The following MEGF11 variants were observed in gnomAD, a reference collection of about 807,000 sequenced individuals.
MEGF11 encodes multiple EGF like domains 11.
Under a neutral mutation model 146.6 loss-of-function variants are expected in MEGF11, and 126 were observed. The observed-to-expected ratio is 0.86, with a 90% confidence interval of 0.74 to 1.00. The LOEUF is 1.00. MEGF11 is among the 50% of genes least tolerant of loss of function. The probability of loss-of-function intolerance (pLI) is 0.00; values close to 1 mark genes in which losing one functional copy is unlikely to be tolerated. For missense variants in MEGF11, 1,509 were observed against 1,521.2 expected (o/e 0.99, Z 0.13); for synonymous variants, 532 against 583.4 (o/e 0.91, Z 1.27).
chr15:66,253,705 G>A lies in MEGF11; in HGVS notation c.-109C>T, dbSNP rs2092409041. On this transcript the variant is annotated 5_prime_UTR_variant, in exon 1 of 26. Coordinates refer to ENST00000395614, the MANE Select transcript of MEGF11 (RefSeq NM_001385028.1). Reference sequence around the variant, plus strand: ...GCGCCAGGCAGGAGCAGGGGGCCGCGAGCAGCCGGGAGCCGGGCGGCGGGC... The same window carrying A: ...GCGCCAGGCAGGAGCAGGGGGCCGCAAGCAGCCGGGAGCCGGGCGGCGGGC... The A allele has an allele frequency of 1.3e-5, 2 of 151,968 alleles. No homozygotes were observed. The highest frequency in any genetic ancestry group is 1.3e-4 in the Admixed American group (2 of 15,268). The allele number at this position is 151,968 out of a possible 1,614,324, so 9.4% of individuals were successfully genotyped here.
Position 65,982,206 on chromosome 15 carries a change from A to T in MEGF11, c.641+36T>A. 1.0e-6 allele frequency: 1 copy of T among 992,120 alleles called. No individual in the cohort carries two copies. 61.5% of individuals were successfully genotyped at this position (992,120 alleles called of 1,614,324 possible). Reference sequence around the variant, plus strand: ...GGCACCCTCCAGGTCCCGCCCCTCCAGGTCCCGCCCCTCCAGGTCCTGCCG... The same window carrying T: ...GGCACCCTCCAGGTCCCGCCCCTCCTGGTCCCGCCCCTCCAGGTCCTGCCG... On this transcript the variant is annotated intron_variant, in intron 6 of 25. Transcript: ENST00000395614. This position sits in a 1 kb window ranked among gnomAD's most constrained non-coding sequence, Gnocchi z 5.6.
At chr15:66,204,089 A>G (rs74865566) in intron 1 of MEGF11, among the ~76,000 whole-genome samples, 59 of 79,040 alleles carry the variant, frequency 7.5e-4, no homozygotes, top group South Asian at 1.5e-3. Flanking sequence ...TTAAAGGGGG[A>G]AAAAAAAAAA....
chr15:66,215,463 A>T (rs1227522878), intron 1 of MEGF11, among the ~76,000 whole-genome samples: 1 of 152,202 alleles, frequency 6.6e-6, no homozygotes, highest in African/African-American at 2.4e-5. Flanking sequence ...AGCTGATTCA[A>T]TTCAAGCAGA....
At chr15:65,917,909 G>A in intron 16 of MEGF11, 57 bp downstream of exon 16, 1 of 1,610,082 alleles carries the variant, frequency 6.2e-7, no homozygotes, top group Non-Finnish European at 8.5e-7. Flanking sequence ...GGGCAACAAA[G>A]GGAGAATTTT....
intron 5 of MEGF11, among the ~76,000 whole-genome samples, chr15:66,046,576 T>C (rs2084213290): frequency 6.6e-6 from 1 of 152,226 alleles, no homozygotes; most frequent in Non-Finnish European, 1.5e-5. Flanking sequence ...CCTCAGCTCT[T>C]GGCTAAGACT....
At chr15:66,080,683 C>A (rs970496451) in intron 5 of MEGF11, among the ~76,000 whole-genome samples, 2 of 152,218 alleles carry the variant, frequency 1.3e-5, no homozygotes, top group East Asian at 3.9e-4. Flanking sequence ...TATTGAATTC[C>A]TTTTTGTTCA....
chr15:66,101,405 T>C (rs1239377921), intron 4 of MEGF11, among the ~76,000 whole-genome samples: 1 of 152,158 alleles, frequency 6.6e-6, no homozygotes, highest in Admixed American at 6.5e-5. Flanking sequence ...CACCACTTAC[T>C]TGTGTACATT....
intron 1 of MEGF11, among the ~76,000 whole-genome samples, chr15:66,179,569 G>A (rs1055613479): frequency 1.3e-5 from 2 of 152,030 alleles, no homozygotes; most frequent in Non-Finnish European, 2.9e-5. Flanking sequence ...AGTGCACCAC[G>A]TCCCTGAGCC....
At chr15:66,146,970 C>G (rs1373085488) in intron 1 of MEGF11, among the ~76,000 whole-genome samples, 1 of 152,186 alleles carries the variant, frequency 6.6e-6, no homozygotes, top group Non-Finnish European at 1.5e-5. Flanking sequence ...CACTCAGTAC[C>G]ACTCCTGAAG....
At chr15:66,156,766 G>A (rs970078372) in intron 1 of MEGF11, among the ~76,000 whole-genome samples, 6 of 152,160 alleles carry the variant, frequency 3.9e-5, no homozygotes, top group Non-Finnish European at 7.4e-5. Flanking sequence ...TCTCTGGGTG[G>A]ACCTATACCA....
At chr15:65,926,937 C>T (rs1315986879) in intron 13 of MEGF11, among the ~76,000 whole-genome samples, 2 of 152,142 alleles carry the variant, frequency 1.3e-5, no homozygotes, top group African/African-American at 4.8e-5. Flanking sequence ...GCAGGGGAAG[C>T]CAGGCTGGAG....
intron 5 of MEGF11, among the ~76,000 whole-genome samples, chr15:66,058,107 G>T (rs543325040): frequency 1.3e-5 from 2 of 152,120 alleles, no homozygotes; most frequent in East Asian, 3.9e-4. Context: ...ATGCACAATT[G>T]TTCTCTGATG....
chr15:66,042,756 C>T (rs965471239), intron 5 of MEGF11, among the ~76,000 whole-genome samples: 3 of 152,216 alleles, frequency 2.0e-5, no homozygotes, highest in African/African-American at 7.2e-5. Context: ...TAACTGCAGG[C>T]TCCGCTTTGG....
chr15:66,141,187 T>G (rs2089130958), intron 1 of MEGF11, among the ~76,000 whole-genome samples: 1 of 151,314 alleles, frequency 6.6e-6, no homozygotes, highest in Non-Finnish European at 1.5e-5. Context: ...ACTACCGGCT[T>G]GTCCAATGCC....
intron 8 of MEGF11, among the ~76,000 whole-genome samples, chr15:65,967,523 A>C (rs903195297): frequency 3.3e-5 from 5 of 152,138 alleles, no homozygotes; most frequent in Admixed American, 6.6e-5. Flanking sequence ...CAGACAGGGC[A>C]GGGAGATTCT....
chr15:66,070,584 T>C (rs981172613), intron 5 of MEGF11, among the ~76,000 whole-genome samples: 6 of 152,220 alleles, frequency 3.9e-5, no homozygotes, highest in African/African-American at 1.2e-4. Flanking sequence ...GGGGGTATCT[T>C]TGTAAAACCC....
intron 13 of MEGF11, among the ~76,000 whole-genome samples, chr15:65,923,428 G>T (rs886916637): frequency 6.6e-6 from 1 of 152,154 alleles, no homozygotes; most frequent in Admixed American, 6.5e-5. Context: ...ATATGCCCAC[G>T]CATGTTAGCC....
At chr15:65,922,568 C>G (rs559953162) in intron 14 of MEGF11, 96 bp from the exon 15 acceptor site, 1 of 1,437,496 alleles carries the variant, frequency 7.0e-7, no homozygotes, top group South Asian at 1.5e-5. Flanking sequence ...CATGGGGAGA[C>G]CTGCATCCTT....
chr15:66,121,524 A>C (rs1298826919), intron 3 of MEGF11, among the ~76,000 whole-genome samples: 1 of 152,244 alleles, frequency 6.6e-6, no homozygotes, highest in Non-Finnish European at 1.5e-5. Context: ...TACTGGAGGC[A>C]AGTGGACATT....
Sources: gnomAD v4.1 joint callset for allele counts (sites outside exome capture counted in the v4.1 genomes callset) on GRCh38, gnomAD v4.1.1 for gene constraint, Gnocchi (gnomAD v3.1) non-coding constraint, MANE v1.5 for transcripts, NCBI Gene and HGNC (gene_info 2026-07-23, HGNC 2026-07-21) for gene names.